The following PRDM10 variants were observed in gnomAD, a reference collection of about 807,000 sequenced individuals.
PRDM10 encodes PR/SET domain 10.
PRDM10 carries 65 observed loss-of-function variants against 133.1 expected under a neutral mutation model. The observed-to-expected ratio is 0.49, with a 90% CI of 0.40 to 0.60. The LOEUF (loss-of-function observed/expected upper bound fraction) is 0.60. Ranked by LOEUF, PRDM10 falls within the 20% of genes least tolerant of loss-of-function variation. The pLI, the probability that PRDM10 is intolerant of heterozygous loss-of-function variation, is 0.00. For synonymous variants in PRDM10, 582 were observed against 580.4 expected (o/e 1.00, Z -0.04); for missense variants, 1,137 against 1,507.1 (o/e 0.75, Z 4.07).
intron 1 of PRDM10, among the ~76,000 whole-genome samples, chr11:129,990,487 A>C (rs1177209254): frequency 6.9e-6 from 1 of 144,994 alleles, no homozygotes; most frequent in African/African-American, 2.6e-5. Flanking sequence ...GTGCCACTGC[A>C]CTCCAGCCTG....
chr11:129,998,391 G>A (rs1030445433), intron 1 of PRDM10, among the ~76,000 whole-genome samples: 5 of 152,020 alleles, frequency 3.3e-5, no homozygotes, highest in African/African-American at 1.2e-4. Context: ...AAAAAGGGGG[G>A]GAGGAGGAGG....
At chr11:129,931,804 G>A (rs538975139) in intron 10 of PRDM10, among the ~76,000 whole-genome samples, 3 of 151,996 alleles carry the variant, frequency 2.0e-5, no homozygotes, top group Admixed American at 6.6e-5. Context: ...TCCTGACCTC[G>A]TGATCCGCCC....
chr11:129,962,138 T>C (rs1353795071), intron 1 of PRDM10, among the ~76,000 whole-genome samples: 2 of 152,210 alleles, frequency 1.3e-5, no homozygotes, highest in Non-Finnish European at 2.9e-5. Flanking sequence ...TAAAAAGCCT[T>C]ACTAAACTTT....
intron 11 of PRDM10, among the ~76,000 whole-genome samples, chr11:129,929,252 T>C (rs765076444): frequency 1.3e-5 from 2 of 152,240 alleles, no homozygotes; most frequent in Non-Finnish European, 2.9e-5. Context: ...TATTCCTTGA[T>C]CTATTTACAA....
intron 1 of PRDM10, among the ~76,000 whole-genome samples, chr11:129,991,844 C>A (rs1938775435): frequency 6.7e-6 from 1 of 148,934 alleles, no homozygotes; most frequent in South Asian, 2.1e-4. Context: ...AGTAACCGGC[C>A]TGGTGGCGGG....
chr11:129,970,627 C>G (rs1323661327), intron 1 of PRDM10, among the ~76,000 whole-genome samples: 1 of 151,948 alleles, frequency 6.6e-6, no homozygotes, highest in Non-Finnish European at 1.5e-5. Context: ...TCACTGCAAC[C>G]TCCGCCTCTT....
At position 129,947,591 on chromosome 11, in the gene PRDM10, T is replaced by C; in HGVS notation, c.295-221A>G. ...ACAGCCTTTAAGCCTCTGCCCTCCC[T>C]CTGCCCCTTCTGTCCCACACCTGGG... is the stretch of plus-strand genomic sequence containing the variant. On this transcript the variant is annotated intron_variant, in intron 4 of 20. Coordinates refer to ENST00000360871, the MANE Select transcript of PRDM10 (RefSeq NM_199437.2). This position sits in a 1 kb window ranked among gnomAD's most constrained non-coding sequence, Gnocchi z 4.6. 1 of 1,400,480 alleles carries C rather than the reference T, an allele frequency of 7.1e-7. No individual in the cohort carries two copies. Among genetic ancestry groups the C allele is most frequent in the Non-Finnish European group, 9.3e-7 (1 of 1,070,842 alleles). The allele number at this position is 1,400,480 out of a possible 1,614,324, so 86.8% of individuals were successfully genotyped here. A position where few individuals can be genotyped will look rare whatever the true frequency, so the allele number is the denominator to read the frequency against.
chr11:130,002,003 G>C (rs1463760267), intron 1 of PRDM10, among the ~76,000 whole-genome samples: 2 of 151,562 alleles, frequency 1.3e-5, no homozygotes, highest in African/African-American at 2.4e-5. Flanking sequence ...GGCAGGCCGG[G>C]GGCCCAGCCA....
In PRDM10 at chr11:129,902,408, G is replaced by A. The variant is rs1261341969; in HGVS notation, c.3376C>T (p.Pro1126Ser). Residue 1126 changes from proline to serine, a missense_variant, in exon 21 of 21, where the codon CCC (proline) becomes TCC (serine). Pro to Ser is a moderately conservative substitution (Grantham distance 74). Coordinates refer to ENST00000360871, the MANE Select transcript of PRDM10 (RefSeq NM_199437.2). Reference protein sequence around the residue: ...EPPAHSDSLDPQTNSQQQTTQ... With the variant: ...EPPAHSDSLDSQTNSQQQTTQ... The stretch of plus-strand genomic sequence containing the variant: ...GTCTGCTGTTGGCTGTTGGTCTGGG[G>A]GTCCAGGGAGTCACTGTGTGCAGGT... The A allele has an allele frequency of 1.9e-6, 3 of 1,614,136 alleles. No homozygotes were observed. The highest frequency in any genetic ancestry group is 2.2e-5 in the East Asian group (1 of 44,890).
chr11:130,002,833 A>G lies in PRDM10; in HGVS notation c.-230T>C. On this transcript the variant is annotated 5_prime_UTR_variant, in exon 1 of 21. Transcript: ENST00000360871. The stretch of plus-strand genomic sequence containing the variant: ...CTCCAGGTGGTTCTTCCCGCCGCAG[A>G]GTGGGAGCAGCATAAAAGGCGGGGT... The G allele has an allele frequency of 5.0e-6, 1 of 198,188 alleles. No individual in the cohort carries two copies. Among genetic ancestry groups the G allele is most frequent in the Non-Finnish European group, 1.1e-5 (1 of 93,880 alleles). 12.3% of individuals were successfully genotyped at this position (198,188 alleles called of 1,614,324 possible).
At chr11:129,917,421 A>T (rs1320899954) in intron 14 of PRDM10, among the ~76,000 whole-genome samples, 184 bp from the exon 15 acceptor site, 2 of 152,236 alleles carry the variant, frequency 1.3e-5, no homozygotes, top group Non-Finnish European at 2.9e-5. Flanking sequence ...ACTCACAGTC[A>T]TGGTTAACAG....
intron 1 of PRDM10, among the ~76,000 whole-genome samples, chr11:129,978,056 C>G (rs1937887528): frequency 2.0e-5 from 3 of 151,600 alleles, no homozygotes; most frequent in Non-Finnish European, 4.4e-5. Context: ...GCTAATAAGC[C>G]TTTGATTAGG....
At chr11:129,959,925 CT>C (rs112833018) in intron 2 of PRDM10, among the ~76,000 whole-genome samples, 361 of 138,226 alleles carry the variant, frequency 2.6e-3, no homozygotes, top group Middle Eastern at 7.5e-3. Flanking sequence ...GCTAATTTTT[CT>C]TTTTTTTTTT....
rs3734068 is a variant in PRDM10, at chr11:129,945,125, A to G, written c.521-113T>C. On this transcript the variant is annotated intron_variant, in intron 5 of 20. Coordinates refer to ENST00000360871, the MANE Select transcript of PRDM10 (RefSeq NM_199437.2). The surrounding 1 kb of genome is among the most constrained non-coding windows in gnomAD (Gnocchi z 4.2). ...GTCTGCATTTTCAAGCCAAAATTCA[A>G]TGAACTCCTAATGGCGCTACCCATT... 0.079 allele frequency: 105,143 copies of G among 1,327,482 alleles called. 5,234 individuals are homozygous for G. The highest frequency in any genetic ancestry group is 0.21 in the African/African-American group (14,112 of 67,872). The allele number at this position is 1,327,482 out of a possible 1,614,324, so 82.2% of individuals were successfully genotyped here.
At chr11:129,981,679 T>C (rs963488256) in intron 1 of PRDM10, among the ~76,000 whole-genome samples, 4 of 151,980 alleles carry the variant, frequency 2.6e-5, no homozygotes, top group Non-Finnish European at 4.4e-5. Context: ...GTAGATCACC[T>C]GAGGTCAGGA....
At chr11:129,938,761 G>A (rs902076420) in intron 7 of PRDM10, among the ~76,000 whole-genome samples, 1 of 152,298 alleles carries the variant, frequency 6.6e-6, no homozygotes, top group South Asian at 2.1e-4. Flanking sequence ...TTGTCATGCA[G>A]GCAACGGCTT....
intron 19 of PRDM10, 50 bp downstream of exon 19, chr11:129,910,426 C>T (rs1240653202): frequency 1.2e-6 from 2 of 1,606,684 alleles, no homozygotes; most frequent in Non-Finnish European, 1.7e-6. Context: ...TGACACATGG[C>T]TGGAGATCCC....
intron 5 of PRDM10, among the ~76,000 whole-genome samples, chr11:129,946,016 C>T (rs1157826863): frequency 6.6e-6 from 1 of 151,794 alleles, no homozygotes; most frequent in Non-Finnish European, 1.5e-5. Flanking sequence ...GTGGGCGGAT[C>T]ACTTGAGGTC....
intron 1 of PRDM10, among the ~76,000 whole-genome samples, chr11:129,989,998 T>A (rs1484378732): frequency 6.7e-6 from 1 of 149,304 alleles, no homozygotes; most frequent in African/African-American, 2.5e-5. Context: ...ACATCAGGAG[T>A]TCGAGACCAG....
Sources: allele counts gnomAD v4.1 joint callset (sites outside exome capture counted in the v4.1 genomes callset), GRCh38; gene constraint gnomAD v4.1.1; non-coding constraint Gnocchi (gnomAD v3.1); transcripts MANE v1.5; gene names NCBI Gene and HGNC (gene_info 2026-07-23, HGNC 2026-07-21).